Variants in FAAH2 observed in about 807,000 individuals in gnomAD.
FAAH2 encodes the protein fatty-acid amide hydrolase 2.
In FAAH2, 60 loss-of-function variants were observed where a neutral mutation model predicts 36.9. The observed-to-expected ratio is 1.63, with a 90% CI of 1.32 to 2.02. The LOEUF is 2.02. Among genes scored for constraint, FAAH2 ranks in the 30% most tolerant of loss-of-function variants. The pLI is 0.00. For synonymous variants in FAAH2, 214 were observed against 143.8 expected (o/e 1.49, Z -3.49); for missense variants, 689 against 397.5 (o/e 1.73, Z -6.23).
At chrX:57,172,770 C>T in the FAAH2 span, among the ~76,000 whole-genome samples, 1 of 111,753 alleles carries the variant, frequency 8.9e-6, no homozygotes, top group Admixed American at 9.4e-5. Flanking sequence ...TGCCTCATTC[C>T]ACTGGTTGAT....
At chrX:57,288,747 A>T (rs2051893839) in intron 1 of FAAH2, among the ~76,000 whole-genome samples, 1 of 111,352 alleles carries the variant, frequency 9.0e-6, no homozygotes, top group South Asian at 3.8e-4. Flanking sequence ...GATGAATTAA[A>T]TGAATTCATA....
chrX:57,403,356 T>A (rs2055486559), intron 7 of FAAH2, among the ~76,000 whole-genome samples: 1 of 112,637 alleles, frequency 8.9e-6, no homozygotes, highest in African/African-American at 3.2e-5. Context: ...GTAGCAGTCC[T>A]GCACCTGTTT....
At chrX:57,233,988 G>A in the FAAH2 span, among the ~76,000 whole-genome samples, 1 of 112,660 alleles carries the variant, frequency 8.9e-6, no homozygotes, top group Admixed American at 9.4e-5. Flanking sequence ...AAAATCTCCA[G>A]TGTGGGGTTG....
intron 3 of FAAH2, among the ~76,000 whole-genome samples, chrX:57,320,770 C>G (rs1207289541): frequency 8.9e-6 from 1 of 112,378 alleles, no homozygotes; most frequent in African/African-American, 3.2e-5. Context: ...GGAACCAACC[C>G]AAATGCCAAT....
the FAAH2 span, among the ~76,000 whole-genome samples, chrX:57,178,802 G>C: frequency 1.8e-5 from 2 of 111,718 alleles, no homozygotes; most frequent in African/African-American, 6.5e-5. Context: ...ACAGTGTTCT[G>C]CTAGCAGCAG....
At chrX:57,302,489 A>G (rs191759973) in intron 2 of FAAH2, among the ~76,000 whole-genome samples, 55 of 111,385 alleles carry the variant, frequency 4.9e-4, no homozygotes, top group Middle Eastern at 4.6e-3. Flanking sequence ...GAAGCATGAG[A>G]ATAACCATTA....
chrX:57,150,415 A>C, the FAAH2 span, among the ~76,000 whole-genome samples: 3 of 111,878 alleles, frequency 2.7e-5, no homozygotes, highest in Admixed American at 1.9e-4. Context: ...GTAGGTCACT[A>C]AGGACTTGCT....
chrX:57,345,476 T>A (rs2053798023), intron 5 of FAAH2, among the ~76,000 whole-genome samples: 1 of 111,192 alleles, frequency 9.0e-6, no homozygotes, highest in South Asian at 3.8e-4. Flanking sequence ...TAGGATCAGT[T>A]GTAACTTCAC....
At chrX:57,322,476 T>C (rs1043010093) in intron 3 of FAAH2, among the ~76,000 whole-genome samples, 1 of 111,551 alleles carries the variant, frequency 9.0e-6, no homozygotes, top group African/African-American at 3.3e-5. Context: ...TTATGTGTTT[T>C]GGGGATGACC....
At chrX:57,438,287 AAAAC>A (rs2056460998) in intron 8 of FAAH2, among the ~76,000 whole-genome samples, 1 of 106,985 alleles carries the variant, frequency 9.3e-6, no homozygotes, top group Non-Finnish European at 1.9e-5. Flanking sequence ...AGATATCAGT[AAAAC>A]TACAGACTAC....
At chrX:57,402,548 T>C (rs1199142496) in intron 7 of FAAH2, among the ~76,000 whole-genome samples, 1 of 112,026 alleles carries the variant, frequency 8.9e-6, no homozygotes, top group Non-Finnish European at 1.9e-5. Flanking sequence ...AAGGTTTTTT[T>C]CTAATGTCTG....
chrX:57,198,715 C>T, the FAAH2 span, among the ~76,000 whole-genome samples: 1 of 112,537 alleles, frequency 8.9e-6, no homozygotes, highest in South Asian at 3.7e-4. Flanking sequence ...CCCATGGAGA[C>T]TTGGTGATAA....
chrX:57,473,050 G>GT (rs2057199105), intron 10 of FAAH2, among the ~76,000 whole-genome samples: 1 of 110,580 alleles, frequency 9.0e-6, no homozygotes, highest in South Asian at 3.8e-4. Context: ...TCCTGGCCAT[G>GT]TTATTTCTTT....
At chrX:57,268,327 A>AC in the FAAH2 span, among the ~76,000 whole-genome samples, 9 of 111,161 alleles carry the variant, frequency 8.1e-5, no homozygotes, top group South Asian at 3.8e-4. Context: ...GGAGTATATA[A>AC]CCCCCCAAAA....
At chrX:57,260,313 C>A in the FAAH2 span, among the ~76,000 whole-genome samples, 2 of 111,077 alleles carry the variant, frequency 1.8e-5, no homozygotes, top group Non-Finnish European at 3.8e-5. Flanking sequence ...ACCAAGGTAC[C>A]AAGACAATTT....
Position 57,431,779 on chromosome X carries a change from G to T in FAAH2, c.997-139G>T, listed in dbSNP as rs57025798. On this transcript the variant is annotated intron_variant, in intron 7 of 10. Coordinates refer to ENST00000374900, the MANE Select transcript of FAAH2 (RefSeq NM_174912.4). ...TTTGTTTTTGTTTTTTTGTTTTTTTGTTTTTTTGTTTTTTTTGGTGTTTCC... is the reference window on the plus strand; with the variant it reads ...TTTGTTTTTGTTTTTTTGTTTTTTTTTTTTTTTGTTTTTTTTGGTGTTTCC... 6.8e-3 allele frequency: 567 copies of T among 83,345 alleles called. 8 individuals are homozygous for T. Among genetic ancestry groups the T allele is most frequent in the African/African-American group, 0.033 (468 of 14,048 alleles). The allele number at this position is 83,345 out of a possible 1,213,427, so 6.9% of individuals were successfully genotyped here.
chrX:57,183,528 G>A, the FAAH2 span, among the ~76,000 whole-genome samples: 2 of 111,683 alleles, frequency 1.8e-5, no homozygotes, highest in East Asian at 5.6e-4. Flanking sequence ...TGGAGCCATG[G>A]CAGAGGAACA....
rs954560781 is a variant in FAAH2, at chrX:57,432,218, A to T, written c.1116+181A>T. Among the ~76,000 whole-genome samples the T allele has an allele frequency of 2.7e-5, 3 of 111,648 alleles. No homozygotes were observed. The Admixed American group carries it at 2.9e-4, about 11-fold the overall frequency. On this transcript the variant is annotated intron_variant, in intron 8 of 10. Coordinates refer to ENST00000374900, the MANE Select transcript of FAAH2 (RefSeq NM_174912.4). Reference sequence around the variant, plus strand: ...CCTATACGGAATAGGCATATATGCTATTCACAGAGAGTGTGCCCATTCCTA... The same window carrying T: ...CCTATACGGAATAGGCATATATGCTTTTCACAGAGAGTGTGCCCATTCCTA...
At chrX:57,158,873 C>T in the FAAH2 span, among the ~76,000 whole-genome samples, 20 of 112,061 alleles carry the variant, frequency 1.8e-4, no homozygotes, top group Non-Finnish European at 3.8e-5. Flanking sequence ...TCAATTTTGG[C>T]TTTTGTTGCC....
Sources: gnomAD v4.1 joint callset for allele counts (sites outside exome capture counted in the v4.1 genomes callset) on GRCh38, gnomAD v4.1.1 for gene constraint, MANE v1.5 for transcripts, NCBI Gene and HGNC (gene_info 2026-07-23, HGNC 2026-07-21) for gene names.